The following MYBL1 variants were observed in gnomAD, a reference collection of about 807,000 sequenced individuals.
MYBL1 encodes the protein myb-related protein A.
MYBL1 carries 17 observed loss-of-function variants against 96.3 expected under a neutral mutation model. The observed-to-expected ratio is 0.18, with a 90% confidence interval of 0.12 to 0.26. The LOEUF (loss-of-function observed/expected upper bound fraction) is 0.26. Among genes scored for constraint, MYBL1 ranks in the 10% least tolerant of loss-of-function variants. The pLI is 1.00. For missense variants in MYBL1, 701 were observed against 882.9 expected (o/e 0.79, Z 2.61); for synonymous variants, 282 against 292.7 (o/e 0.96, Z 0.37).
At chr8:66,600,436 C>T (rs927126551) in intron 3 of MYBL1, among the ~76,000 whole-genome samples, 4 of 152,190 alleles carry the variant, frequency 2.6e-5, no homozygotes, top group African/African-American at 9.6e-5. Flanking sequence ...TCAAAATAAT[C>T]AGGTTGCTCC....
chr8:66,578,799 T>C (rs1026348621), intron 9 of MYBL1, among the ~76,000 whole-genome samples: 1 of 152,214 alleles, frequency 6.6e-6, no homozygotes, highest in African/African-American at 2.4e-5. Flanking sequence ...ATTGAGGCAC[T>C]ATTCACAATA....
intron 12 of MYBL1, among the ~76,000 whole-genome samples, chr8:66,572,089 G>C (rs1273009457): frequency 6.6e-6 from 1 of 151,328 alleles, no homozygotes; most frequent in African/African-American, 2.4e-5. Context: ...TGGGGGGGAG[G>C]GGGGTGGATC....
chr8:66,565,685 C>A (rs1451045198), intron 15 of MYBL1, among the ~76,000 whole-genome samples: 1 of 152,030 alleles, frequency 6.6e-6, no homozygotes, highest in African/African-American at 2.4e-5. Context: ...CACTGGAAAC[C>A]ATGGTACCAA....
intron 8 of MYBL1, among the ~76,000 whole-genome samples, chr8:66,580,930 G>A (rs1354840599): frequency 1.3e-5 from 2 of 149,916 alleles, no homozygotes; most frequent in Non-Finnish European, 3.0e-5. Flanking sequence ...GTGCTCTCTC[G>A]GCTCACTGCA....
At chr8:66,565,929 T>A in intron 15 of MYBL1, 135 bp downstream of exon 15, 1 of 642,730 alleles carries the variant, frequency 1.6e-6, no homozygotes. Context: ...AGTGATAAAA[T>A]AATGGTAAAT....
At chr8:66,568,299 G>A (rs980015303) in intron 12 of MYBL1, among the ~76,000 whole-genome samples, 17 of 152,128 alleles carry the variant, frequency 1.1e-4, no homozygotes, top group African/African-American at 4.1e-4. Flanking sequence ...TATTTATTGA[G>A]ATGGAATCTT....
At position 66,572,474 on chromosome 8, in the gene MYBL1, A is replaced by T; in HGVS notation, c.1728+8T>A. The T allele has an allele frequency of 7.2e-7, 1 of 1,380,674 alleles. No individual in the cohort carries two copies. The highest frequency in any genetic ancestry group is 1.0e-6 in the Non-Finnish European group (1 of 991,694). 85.5% of individuals were successfully genotyped at this position (1,380,674 alleles called of 1,614,324 possible). A position where few individuals can be genotyped will look rare whatever the true frequency, so the allele number is the denominator to read the frequency against. ...GAAAATTATTAAAAATAAAATGAAT[A>T]TACATACCACAATTTTAAGAGGTCC... is the stretch of plus-strand genomic sequence containing the variant. On this transcript the variant is annotated splice_region_variant and intron_variant, in intron 12 of 15. Coordinates refer to ENST00000522677, the MANE Select transcript of MYBL1 (RefSeq NM_001080416.4).
At chr8:66,597,660 A>G (rs1374536581) in intron 4 of MYBL1, 110 bp from the exon 5 acceptor site, 1 of 682,496 alleles carries the variant, frequency 1.5e-6, no homozygotes, top group Non-Finnish European at 2.3e-6. Context: ...CCACAACTAC[A>G]ATTTGTTAAA....
chr8:66,568,642 A>G (rs976763088), intron 12 of MYBL1, among the ~76,000 whole-genome samples: 9 of 152,198 alleles, frequency 5.9e-5, no homozygotes, highest in African/African-American at 2.2e-4. Context: ...CCAAGAACAT[A>G]AAGTATTCTT....
At chr8:66,584,011 A>G (rs372415215) in intron 8 of MYBL1, among the ~76,000 whole-genome samples, 64 of 152,340 alleles carry the variant, frequency 4.2e-4, no homozygotes, top group African/African-American at 1.5e-3. Context: ...ACTGTAAGCC[A>G]ATATCCCTGA....
Position 66,584,976 on chromosome 8 carries a change from C to T in MYBL1, c.868-4610G>A, listed in dbSNP as rs115969429. Among the ~76,000 whole-genome samples, 811 of 152,134 alleles carry T rather than the reference C, an allele frequency of 5.3e-3. 7 individuals are homozygous for T. Among genetic ancestry groups the T allele is most frequent in the African/African-American group, 0.017 (723 of 41,524 alleles). ...TGACCATATTACCAAAAGTAATCTA[C>T]GGTTCAGTGCAATCTTTATCAAAAT... On this transcript the variant is annotated intron_variant, in intron 8 of 15. Transcript: ENST00000522677.
chr8:66,594,045 A>C (rs1475776570), intron 6 of MYBL1, among the ~76,000 whole-genome samples: 1 of 152,052 alleles, frequency 6.6e-6, no homozygotes, highest in African/African-American at 2.4e-5. Context: ...CCGAAGCAGG[A>C]GGATCACATG....
intron 1 of MYBL1, among the ~76,000 whole-genome samples, chr8:66,606,416 A>T (rs1810313350): frequency 6.6e-6 from 1 of 152,214 alleles, no homozygotes; most frequent in Non-Finnish European, 1.5e-5. Context: ...CTTTCTCAAA[A>T]ATTCATTCTG....
At chr8:66,576,650 GTTA>G (rs372005887) in intron 9 of MYBL1, among the ~76,000 whole-genome samples, 5 of 151,238 alleles carry the variant, frequency 3.3e-5, no homozygotes, top group African/African-American at 1.2e-4. Context: ...CAAAAATTAA[GTTA>G]TTATCAAAAA....
At chr8:66,594,512 A>T (rs1809776316) in intron 6 of MYBL1, among the ~76,000 whole-genome samples, 1 of 152,170 alleles carries the variant, frequency 6.6e-6, no homozygotes, top group Admixed American at 6.5e-5. Flanking sequence ...ACATATTTAG[A>T]TTAAGACTGT....
chr8:66,572,610 T>C lies in MYBL1; in HGVS notation c.1614-14A>G. Reference sequence around the variant, plus strand: ...GGTGTTCTAAACCTATCCAGTCATTTAGATATTTATGTTATAGTCACGATC... The same window carrying C: ...GGTGTTCTAAACCTATCCAGTCATTCAGATATTTATGTTATAGTCACGATC... On this transcript the variant is annotated splice_polypyrimidine_tract_variant and intron_variant, in intron 11 of 15. Transcript: ENST00000522677. 7.8e-7 allele frequency: 1 copy of C among 1,279,580 alleles called. No individual in the cohort carries two copies. The highest frequency in any genetic ancestry group is 1.1e-6 in the Non-Finnish European group (1 of 909,584). The allele number at this position is 1,279,580 out of a possible 1,614,324, so 79.3% of individuals were successfully genotyped here. A position where few individuals can be genotyped will look rare whatever the true frequency, so the allele number is the denominator to read the frequency against.
rs113443346 is a variant in MYBL1, at chr8:66,593,820, T to C, written c.688-626A>G. ...TAGTAAGCAGTAGTGGAAAGAAATA[T>C]GAGAGGAGGTGTTTTTAAAAGCCTT... On this transcript the variant is annotated intron_variant, in intron 6 of 15. Coordinates refer to ENST00000522677, the MANE Select transcript of MYBL1 (RefSeq NM_001080416.4). Among the ~76,000 whole-genome samples, 1,227 of 152,178 alleles carry C rather than the reference T, an allele frequency of 8.1e-3. 15 individuals carry two copies. The highest frequency in any genetic ancestry group is 0.027 in the African/African-American group (1,119 of 41,512).
chr8:66,597,077 A>G (rs1361305202), intron 5 of MYBL1, among the ~76,000 whole-genome samples: 1 of 152,182 alleles, frequency 6.6e-6, no homozygotes. Flanking sequence ...AGTGTATTAA[A>G]TGTTTATATA....
intron 4 of MYBL1, among the ~76,000 whole-genome samples, chr8:66,598,270 TA>T (rs1361068489): frequency 6.6e-6 from 1 of 152,166 alleles, no homozygotes; most frequent in Non-Finnish European, 1.5e-5. Flanking sequence ...GAAGTAACTT[TA>T]AAGTTTGTTC....
Sources: gnomAD v4.1 joint callset for allele counts (sites outside exome capture counted in the v4.1 genomes callset) on GRCh38, gnomAD v4.1.1 for gene constraint, MANE v1.5 for transcripts, NCBI Gene and HGNC (gene_info 2026-07-23, HGNC 2026-07-21) for gene names.